The following MICU3 variants were observed in gnomAD, a reference collection of about 807,000 sequenced individuals.
MICU3 encodes the protein mitochondrial calcium uptake 3, also known as calcium uptake protein 3, mitochondrial.
Under a neutral mutation model 66.5 loss-of-function variants are expected in MICU3, and 62 were observed. The ratio of observed to expected loss-of-function variants is 0.93; its 90% confidence interval spans 0.76 to 1.15. The LOEUF is 1.15. Among genes scored for constraint, MICU3 ranks in the 50% most tolerant of loss-of-function variants. MICU3 has a pLI of 0.00. For synonymous variants in MICU3, 308 were observed against 240.7 expected (o/e 1.28, Z -2.59); for missense variants, 779 against 664.4 (o/e 1.17, Z -1.90).
intron 3 of MICU3, among the ~76,000 whole-genome samples, chr8:17,073,228 T>C (rs1819869542): frequency 6.6e-6 from 1 of 152,202 alleles, no homozygotes; most frequent in Admixed American, 6.5e-5. Flanking sequence ...AGAAATCCTA[T>C]ATATCAGATC....
the MICU3 span, among the ~76,000 whole-genome samples, chr8:17,130,087 C>T: frequency 6.6e-6 from 1 of 152,116 alleles, no homozygotes; most frequent in Non-Finnish European, 1.5e-5. Flanking sequence ...ACCAGCAGAC[C>T]TGCACACTGG....
At chr8:17,074,590 C>CTGT (rs1359381863) in intron 3 of MICU3, among the ~76,000 whole-genome samples, 1 of 141,944 alleles carries the variant, frequency 7.0e-6, no homozygotes. Context: ...GATGTTAAAA[C>CTGT]GTGTGTGTGT....
At chr8:17,030,999 T>G (rs1181360686) in intron 1 of MICU3, among the ~76,000 whole-genome samples, 1 of 152,120 alleles carries the variant, frequency 6.6e-6, no homozygotes, top group Non-Finnish European at 1.5e-5. Context: ...ACTCCTTTAC[T>G]GTGAATTTAA....
intron 5 of MICU3, among the ~76,000 whole-genome samples, chr8:17,084,412 CTT>C (rs1240340841): frequency 6.6e-6 from 1 of 152,052 alleles, no homozygotes; most frequent in Non-Finnish European, 1.5e-5. Context: ...ATCTGTGCCT[CTT>C]TTGCAGGTTC....
intron 8 of MICU3, among the ~76,000 whole-genome samples, chr8:17,095,643 G>A (rs755567427): frequency 1.3e-5 from 2 of 151,818 alleles, no homozygotes; most frequent in Non-Finnish European, 2.9e-5. Context: ...CATGGGCAAC[G>A]TTAGGGAGCC....
At chr8:17,103,658 A>G (rs749776306) in intron 9 of MICU3, among the ~76,000 whole-genome samples, 17 of 151,902 alleles carry the variant, frequency 1.1e-4, no homozygotes, top group East Asian at 1.9e-4. Flanking sequence ...GATGATTTTC[A>G]TAGGCCATTA....
Position 17,027,287 on chromosome 8 carries a change from C to A in MICU3, c.8C>A (p.Ala3Glu), listed in dbSNP as rs199831377. MA[A>E]LRRLLWPPPR... ...GTGTGGGCGGCCTCCGCTATGGCTGCGCTGCGAAGGCTCTTGTGGCCGCCA... is the reference window on the plus strand; with the variant it reads ...GTGTGGGCGGCCTCCGCTATGGCTGAGCTGCGAAGGCTCTTGTGGCCGCCA... The change falls in exon 1 of 15, where the codon GCG becomes GAG. Residue 3 changes from alanine to glutamate, a missense_variant. Transcript: ENST00000318063. 1 of 1,308,846 alleles carries A rather than the reference C, an allele frequency of 7.6e-7. No individual in the cohort carries two copies. Among genetic ancestry groups the A allele is most frequent in the South Asian group, 1.3e-5 (1 of 77,648 alleles). The allele number at this position is 1,308,846 out of a possible 1,614,324, so 81.1% of individuals were successfully genotyped here.
downstream of MICU3, among the ~76,000 whole-genome samples, chr8:17,126,882 C>T (rs1039999296): frequency 3.9e-5 from 6 of 152,084 alleles, no homozygotes; most frequent in African/African-American, 1.2e-4. Flanking sequence ...ATCAGTTACT[C>T]GGTTCAAAAA....
intron 1 of MICU3, among the ~76,000 whole-genome samples, chr8:17,056,093 C>A (rs1225877606): frequency 6.6e-6 from 1 of 152,054 alleles, no homozygotes; most frequent in Non-Finnish European, 1.5e-5. Flanking sequence ...CTGATTGATC[C>A]CTGTGATTTA....
At chr8:17,070,709 A>G (rs998262719) in intron 3 of MICU3, among the ~76,000 whole-genome samples, 4 of 152,038 alleles carry the variant, frequency 2.6e-5, no homozygotes, top group African/African-American at 4.8e-5. Flanking sequence ...GGAATCCTCC[A>G]AAAGCCTACA....
chr8:17,080,397 G>C (rs768042697), intron 4 of MICU3, among the ~76,000 whole-genome samples: 45 of 151,964 alleles, frequency 3.0e-4, no homozygotes, highest in Non-Finnish European at 5.3e-4. Flanking sequence ...TCAAATAAAA[G>C]ATGCATAACA....
intron 1 of MICU3, among the ~76,000 whole-genome samples, chr8:17,033,746 A>G (rs1315231267): frequency 6.6e-6 from 1 of 152,100 alleles, no homozygotes; most frequent in Non-Finnish European, 1.5e-5. Context: ...AACTATCATC[A>G]ATTATTTTAA....
intron 1 of MICU3, among the ~76,000 whole-genome samples, chr8:17,060,561 C>G (rs1817668162): frequency 6.6e-6 from 1 of 152,170 alleles, no homozygotes; most frequent in South Asian, 2.1e-4. Context: ...ATCCGCCTGC[C>G]TCGGCCTCCC....
chr8:17,084,165 G>C (rs775271794), intron 5 of MICU3, among the ~76,000 whole-genome samples: 2 of 152,060 alleles, frequency 1.3e-5, no homozygotes, highest in Non-Finnish European at 2.9e-5. Flanking sequence ...CTATCTATAA[G>C]TGTCTCCCTC....
chr8:17,068,941 G>C, intron 2 of MICU3, among the ~76,000 whole-genome samples: 1 of 152,128 alleles, frequency 6.6e-6, no homozygotes, highest in East Asian at 1.9e-4. Context: ...TCTTAGGCAG[G>C]CATTAAATAT....
intron 1 of MICU3, among the ~76,000 whole-genome samples, chr8:17,051,296 C>G (rs947687381): frequency 6.6e-6 from 1 of 152,134 alleles, no homozygotes; most frequent in Non-Finnish European, 1.5e-5. Flanking sequence ...CACCCACATT[C>G]ACTTATTCAT....
At chr8:17,111,537 A>T (rs1802206996) in intron 11 of MICU3, among the ~76,000 whole-genome samples, 1 of 152,040 alleles carries the variant, frequency 6.6e-6, no homozygotes, top group East Asian at 1.9e-4. Flanking sequence ...ATGAAGTCTA[A>T]TTTATCTATT....
chr8:17,040,695 T>A (rs1813921257), intron 1 of MICU3, among the ~76,000 whole-genome samples: 1 of 152,236 alleles, frequency 6.6e-6, no homozygotes, highest in Non-Finnish European at 1.5e-5. Context: ...TATTAGTGGC[T>A]GGTCAAATGC....
chr8:17,092,526 T>A (rs1301346152), intron 8 of MICU3, among the ~76,000 whole-genome samples: 1 of 152,030 alleles, frequency 6.6e-6, no homozygotes, highest in African/African-American at 2.4e-5. Context: ...AATCAGCTTT[T>A]TCTCATGTAA....
Sources: gnomAD v4.1 joint callset for allele counts (sites outside exome capture counted in the v4.1 genomes callset) on GRCh38, gnomAD v4.1.1 for gene constraint, MANE v1.5 for transcripts, NCBI Gene and HGNC (gene_info 2026-07-23, HGNC 2026-07-21) for gene names.